Variants in GPBP1 observed in about 807,000 individuals in gnomAD.
GPBP1 encodes GC-rich promoter binding protein 1.
In GPBP1, 13 loss-of-function variants were observed where a neutral mutation model predicts 56.5. The ratio of observed to expected loss-of-function variants is 0.23; its 90% CI spans 0.15 to 0.37. The LOEUF is 0.37. Among genes scored for constraint, GPBP1 ranks in the 10% least tolerant of loss-of-function variants. GPBP1 has a pLI of 1.00. For missense variants in GPBP1, 477 were observed against 572.3 expected (o/e 0.83, Z 1.70); for synonymous variants, 204 against 188.9 (o/e 1.08, Z -0.66).
intron 2 of GPBP1, among the ~76,000 whole-genome samples, chr5:57,177,198 A>G (rs944858922): frequency 1.3e-5 from 2 of 152,172 alleles, no homozygotes; most frequent in Admixed American, 6.5e-5. Flanking sequence ...GTTGTGAATT[A>G]ATTGCTATAA....
At chr5:57,209,821 C>T (rs898524076) in intron 2 of GPBP1, among the ~76,000 whole-genome samples, 52 of 152,090 alleles carry the variant, frequency 3.4e-4, no homozygotes, top group African/African-American at 1.0e-3. Flanking sequence ...GTCACTCTTG[C>T]ATTCCTGGGA....
At chr5:57,235,367 T>G (rs1228010986) in intron 5 of GPBP1, among the ~76,000 whole-genome samples, 14 of 152,172 alleles carry the variant, frequency 9.2e-5, no homozygotes, top group Non-Finnish European at 2.1e-4. Flanking sequence ...GAGGGATTAT[T>G]TCTTAGACTG....
intron 2 of GPBP1, among the ~76,000 whole-genome samples, chr5:57,208,725 C>A (rs867024209): frequency 6.8e-6 from 1 of 146,340 alleles, no homozygotes; most frequent in Non-Finnish European, 1.5e-5. Flanking sequence ...GGCGTGATCT[C>A]GGCTCACTGC....
At chr5:57,236,580 TC>T (rs1268478068) in intron 6 of GPBP1, among the ~76,000 whole-genome samples, 1 of 152,162 alleles carries the variant, frequency 6.6e-6, no homozygotes, top group Non-Finnish European at 1.5e-5. Context: ...TAATGAGAGT[TC>T]TTCTAGAAAT....
At chr5:57,207,370 A>G (rs1755275563) in intron 2 of GPBP1, among the ~76,000 whole-genome samples, 1 of 152,084 alleles carries the variant, frequency 6.6e-6, no homozygotes, top group Non-Finnish European at 1.5e-5. Flanking sequence ...AGGTTCTCTT[A>G]TCCCCTTTGC....
Position 57,206,730 on chromosome 5 carries a change from A to G in GPBP1, c.-57-7344A>G, listed in dbSNP as rs150964163. Among the ~76,000 whole-genome samples, 483 of 152,286 alleles carry G rather than the reference A, an allele frequency of 3.2e-3. 4 individuals are homozygous for G. The highest frequency in any genetic ancestry group is 0.011 in the African/African-American group (459 of 41,562). On this transcript the variant is annotated intron_variant, in intron 2 of 11. Coordinates refer to ENST00000506184, the MANE Select transcript of GPBP1 (RefSeq NM_022913.4). ...GGGTCCAATGGCTATTTAGTTGTCC[A>G]GTCTGTTTTTTTGAAAAGACAATTC... is the stretch of plus-strand genomic sequence containing the variant.
chr5:57,260,340 A>G (rs1428068312), intron 10 of GPBP1, among the ~76,000 whole-genome samples: 1 of 152,148 alleles, frequency 6.6e-6, no homozygotes, highest in South Asian at 2.1e-4. Flanking sequence ...TGAGTTATCT[A>G]TTTGAAATTT....
chr5:57,240,953 C>T (rs1350846900), intron 6 of GPBP1, among the ~76,000 whole-genome samples: 6 of 147,076 alleles, frequency 4.1e-5, no homozygotes, highest in Non-Finnish European at 7.5e-5. Context: ...ACTCTGTCTC[C>T]CATTTAAAAA....
intron 2 of GPBP1, among the ~76,000 whole-genome samples, chr5:57,199,231 G>A (rs531754389): frequency 4.6e-5 from 7 of 152,174 alleles, no homozygotes; most frequent in African/African-American, 1.7e-4. Flanking sequence ...TTCTTGTTTT[G>A]TAGATATAAC....
intron 1 of GPBP1, among the ~76,000 whole-genome samples, chr5:57,174,860 G>C (rs542177708): frequency 1.2e-4 from 18 of 152,308 alleles, no homozygotes; most frequent in East Asian, 7.7e-4. Flanking sequence ...ACACCTTCTA[G>C]CCCTTTGCTC....
At chr5:57,217,808 A>G (rs1483697225) in intron 3 of GPBP1, among the ~76,000 whole-genome samples, 2 of 152,160 alleles carry the variant, frequency 1.3e-5, no homozygotes, top group Non-Finnish European at 2.9e-5. Flanking sequence ...TCTTGAGGCC[A>G]GGAGTTTGAG....
chr5:57,239,378 G>T (rs1435602521), intron 6 of GPBP1, among the ~76,000 whole-genome samples: 1 of 152,182 alleles, frequency 6.6e-6, no homozygotes, highest in Non-Finnish European at 1.5e-5. Context: ...GTTAAAGGGG[G>T]AAAGTACCAT....
chr5:57,247,719 C>T (rs569079271), intron 8 of GPBP1, among the ~76,000 whole-genome samples: 2 of 151,968 alleles, frequency 1.3e-5, no homozygotes, highest in East Asian at 3.9e-4. Flanking sequence ...GGGGGGAATT[C>T]CAAACATCCT....
chr5:57,237,246 TAAATAGAATC>T, intron 6 of GPBP1: 1 of 968,942 alleles, frequency 1.0e-6, no homozygotes, highest in Non-Finnish European at 1.6e-6. Context: ...TGGAAGGTGT[TAAATAGAATC>T]TCTAAGAAAT....
rs539473180 is a variant in GPBP1, at chr5:57,254,558, G to C, written c.1160+3417G>C. ...GAAAATACAAAAATTAGCTGGGCAT[G>C]GTGGTGCATGCGTGTAATCCGAGCT... On this transcript the variant is annotated intron_variant, in intron 10 of 11. Transcript: ENST00000506184. 1.7e-3 allele frequency among the ~76,000 whole-genome samples: 255 copies of C among 152,218 alleles called. 3 individuals are homozygous for C. The highest frequency in any genetic ancestry group is 0.013 in the Admixed American group (202 of 15,288).
At position 57,261,169 on chromosome 5, in the gene GPBP1, C is replaced by G; in HGVS notation, c.1161-11C>G. 6.4e-7 allele frequency: 1 copy of G among 1,555,374 alleles called. No homozygotes were observed. The highest frequency in any genetic ancestry group is 1.4e-5 in the African/African-American group (1 of 73,828). On this transcript the variant is annotated splice_polypyrimidine_tract_variant and intron_variant, in intron 10 of 11. Transcript: ENST00000506184. ...AGCTTTACATTAAACTTAATTTCCT[C>G]TCCTTTTCAGATTGTTAAAGGAAAT... is the stretch of plus-strand genomic sequence containing the variant.
Position 57,232,110 on chromosome 5 carries a change from C to CA in GPBP1, c.411+790dup, listed in dbSNP as rs572170006. ...CACTGCATCTTCAAACTTCTGGGCT[C>CA]AGGCAGTCCTCTCTTGTCTCAGCCT... On this transcript the variant is annotated intron_variant, in intron 5 of 11. Transcript: ENST00000506184. 9.2e-5 allele frequency among the ~76,000 whole-genome samples: 14 copies of CA among 152,198 alleles called. No individual in the cohort carries two copies. In the South Asian group the frequency reaches 2.9e-3, roughly 32 times the overall value.
chr5:57,212,814 C>T (rs145950760), intron 2 of GPBP1, among the ~76,000 whole-genome samples: 5 of 150,944 alleles, frequency 3.3e-5, no homozygotes, highest in South Asian at 4.2e-4. Context: ...GGATTACAGG[C>T]GCACACCACC....
At chr5:57,183,968 T>TTC (rs1256792318) in intron 2 of GPBP1, among the ~76,000 whole-genome samples, 48 of 152,064 alleles carry the variant, frequency 3.2e-4, no homozygotes, top group African/African-American at 1.2e-3. Context: ...AGAGATGGGC[T>TTC]TCTGCCATGT....
Sources: allele counts gnomAD v4.1 joint callset (sites outside exome capture counted in the v4.1 genomes callset), GRCh38; gene constraint gnomAD v4.1.1; transcripts MANE v1.5; gene names NCBI Gene and HGNC (gene_info 2026-07-23, HGNC 2026-07-21).